The following EPB41L4A variants were observed in gnomAD, a reference collection of about 807,000 sequenced individuals.
The protein encoded by EPB41L4A is band 4.1-like protein 4A.
EPB41L4A carries 100 observed loss-of-function variants against 108.6 expected under a neutral mutation model. The observed-to-expected ratio is 0.92, with a 90% CI of 0.78 to 1.09. The LOEUF is 1.09. Among genes scored for constraint, EPB41L4A ranks in the 50% least tolerant of loss-of-function variants. EPB41L4A has a pLI of 0.00. For synonymous variants in EPB41L4A, 319 were observed against 289.0 expected (o/e 1.10, Z -1.05); for missense variants, 1,030 against 842.7 (o/e 1.22, Z -2.75).
intron 2 of EPB41L4A, among the ~76,000 whole-genome samples, chr5:112,291,301 T>A (rs1580619942): frequency 6.6e-6 from 1 of 152,154 alleles, no homozygotes; most frequent in African/African-American, 2.4e-5. Flanking sequence ...ACACCTCGCA[T>A]CTGTCTCTGC....
chr5:112,186,840 A>C (rs186383184), intron 17 of EPB41L4A, among the ~76,000 whole-genome samples: 42 of 152,336 alleles, frequency 2.8e-4, no homozygotes, highest in Non-Finnish European at 3.2e-4. Flanking sequence ...GAAAGAAAAA[A>C]ATCCTAGCCC....
At chr5:112,344,772 G>A (rs773647230) in intron 1 of EPB41L4A, among the ~76,000 whole-genome samples, 1 of 152,138 alleles carries the variant, frequency 6.6e-6, no homozygotes, top group Admixed American at 6.6e-5. Flanking sequence ...TCACTGGCAA[G>A]CCCACACAAT....
intron 5 of EPB41L4A, among the ~76,000 whole-genome samples, chr5:112,265,324 T>A (rs1751771762): frequency 6.6e-6 from 1 of 152,210 alleles, no homozygotes; most frequent in African/African-American, 2.4e-5. Flanking sequence ...GCATTTCAAG[T>A]ACAAACATTA....
At chr5:112,295,761 C>T (rs557985307) in intron 2 of EPB41L4A, among the ~76,000 whole-genome samples, 1 of 152,264 alleles carries the variant, frequency 6.6e-6, no homozygotes, top group Admixed American at 6.5e-5. Context: ...GATATTTTGG[C>T]CTATACTTGG....
chr5:112,143,485 A>C (rs143581834), exon 14 of EPB41L4A: 1 of 154,234 alleles, frequency 6.5e-6, no homozygotes, highest in Non-Finnish European at 1.4e-5. Context: ...TCAGGATATA[A>C]ATGACAAATA....
At chr5:112,203,350 C>T (rs1762308542) in intron 15 of EPB41L4A, among the ~76,000 whole-genome samples, 1 of 151,898 alleles carries the variant, frequency 6.6e-6, no homozygotes, top group South Asian at 2.1e-4. Flanking sequence ...AGCGAGACTC[C>T]ATCTCAAAAA....
At chr5:112,308,929 A>G (rs1754865937) in intron 1 of EPB41L4A, among the ~76,000 whole-genome samples, 1 of 152,160 alleles carries the variant, frequency 6.6e-6, no homozygotes, top group Non-Finnish European at 1.5e-5. Context: ...TTTAATTTAC[A>G]TTTTCCTGAC....
rs576466312 is a variant in EPB41L4A at position 112,235,821 on chromosome 5, G to A, written c.966-1066C>T. Reference sequence around the variant, plus strand: ...ACCAGGGGAATAAAGATGCCAGGGCGCATCCATGATTGTTCTTCATGTTCA... The same window carrying A: ...ACCAGGGGAATAAAGATGCCAGGGCACATCCATGATTGTTCTTCATGTTCA... On this transcript the variant is annotated intron_variant, in intron 11 of 22. Transcript: ENST00000261486. Among the ~76,000 whole-genome samples, 18 of 152,240 alleles carry A rather than the reference G, an allele frequency of 1.2e-4. No homozygotes were observed. In the South Asian group the frequency reaches 2.5e-3, roughly 21 times the overall value.
In EPB41L4A at chr5:112,262,579, C is replaced by G; in HGVS notation, c.557G>C (p.Gly186Ala). ...AIERIHKTLM[G>A]QIPSEAELNY... ...CAGCTCAGCCTCAGAAGGAATCTGA[C>G]CCCTACACCCAGCACAAAAACAAAG... The change falls in exon 7 of 23, where the codon GGT becomes GCT. Residue 186 changes from glycine (G) to alanine (A), a missense_variant and splice_region_variant. Gly to Ala is a moderately conservative substitution (Grantham distance 60). Transcript: ENST00000261486. 1 of 1,613,540 alleles carries G rather than the reference C, an allele frequency of 6.2e-7. No individual in the cohort carries two copies. The highest frequency in any genetic ancestry group is 8.5e-7 in the Non-Finnish European group (1 of 1,179,700).
At chr5:112,287,733 A>C (rs1753381229) in intron 2 of EPB41L4A, among the ~76,000 whole-genome samples, 1 of 152,210 alleles carries the variant, frequency 6.6e-6, no homozygotes, top group African/African-American at 2.4e-5. Context: ...TAGAAGCCTG[A>C]GGGCTTGCAG....
intron 9 of EPB41L4A, among the ~76,000 whole-genome samples, chr5:112,242,929 C>A (rs564114100): frequency 1.3e-5 from 2 of 152,154 alleles, no homozygotes; most frequent in Admixed American, 1.3e-4. Flanking sequence ...ATTCACTAAG[C>A]CGGCCCAGGA....
intron 1 of EPB41L4A, among the ~76,000 whole-genome samples, chr5:112,383,580 T>C (rs1760304323): frequency 6.6e-6 from 1 of 152,154 alleles, no homozygotes; most frequent in Non-Finnish European, 1.5e-5. Flanking sequence ...AATTAAGTCT[T>C]AATTTAAAGA....
At chr5:112,357,557 A>T (rs1758442640) in intron 1 of EPB41L4A, among the ~76,000 whole-genome samples, 1 of 152,202 alleles carries the variant, frequency 6.6e-6, no homozygotes, top group Non-Finnish European at 1.5e-5. Context: ...AGGTTTGTAT[A>T]ATGTCTGGTA....
chr5:112,173,052 C>G (rs1760673436), intron 18 of EPB41L4A, among the ~76,000 whole-genome samples: 1 of 152,150 alleles, frequency 6.6e-6, no homozygotes, highest in African/African-American at 2.4e-5. Context: ...AAAACTGCCC[C>G]CAGTTGGAAA....
At chr5:112,412,780 C>T (rs1337708766) in intron 1 of EPB41L4A, among the ~76,000 whole-genome samples, 1 of 152,194 alleles carries the variant, frequency 6.6e-6, no homozygotes, top group Non-Finnish European at 1.5e-5. Context: ...CAGTCAATCT[C>T]AGAGAGGCAG....
intron 1 of EPB41L4A, among the ~76,000 whole-genome samples, chr5:112,338,627 C>G (rs1757073712): frequency 6.6e-6 from 1 of 152,188 alleles, no homozygotes. Context: ...AAAAAGATAC[C>G]TAGCTTTCCA....
At chr5:112,171,755 C>T (rs1760592480) in intron 18 of EPB41L4A, among the ~76,000 whole-genome samples, 1 of 152,200 alleles carries the variant, frequency 6.6e-6, no homozygotes, top group Admixed American at 6.5e-5. Context: ...TCTATTATCA[C>T]TGCAATTGTT....
chr5:112,395,508 C>G (rs1462941437), intron 1 of EPB41L4A, among the ~76,000 whole-genome samples: 2 of 152,214 alleles, frequency 1.3e-5, no homozygotes, highest in African/African-American at 4.8e-5. Context: ...CTCATCATCA[C>G]TGGTCATCGG....
chr5:112,328,838 T>G (rs1222542458), intron 1 of EPB41L4A, among the ~76,000 whole-genome samples: 3 of 152,244 alleles, frequency 2.0e-5, no homozygotes, highest in Non-Finnish European at 4.4e-5. Flanking sequence ...TTATTTAAAG[T>G]CTACATAATG....
Sources: gnomAD v4.1 joint callset for allele counts (sites outside exome capture counted in the v4.1 genomes callset) on GRCh38, gnomAD v4.1.1 for gene constraint, MANE v1.5 for transcripts, NCBI Gene and HGNC (gene_info 2026-07-23, HGNC 2026-07-21) for gene names.